Variants in DHRS3 observed in about 807,000 individuals in gnomAD.
DHRS3 encodes short-chain dehydrogenase/reductase 3.
DHRS3 carries 14 observed loss-of-function variants against 27.2 expected under a neutral mutation model. The ratio of observed to expected loss-of-function variants is 0.52; its 90% CI spans 0.34 to 0.81. The LOEUF is 0.81. DHRS3 is among the 30% of genes least tolerant of loss of function. The pLI is 0.01. For missense variants in DHRS3, 322 were observed against 406.2 expected (o/e 0.79, Z 1.78); for synonymous variants, 165 against 175.9 (o/e 0.94, Z 0.49).
At chr1:12,616,822 GGAA>G in intron 1 of DHRS3, 2 of 1,049,070 alleles carry the variant, frequency 1.9e-6, no homozygotes, top group Non-Finnish European at 2.4e-6. Context: ...GAAAAAGGGG[GGAA>G]GGCGGGGGAG....
chr1:12,613,892 C>T (rs1646926538), intron 1 of DHRS3, among the ~76,000 whole-genome samples: 1 of 152,160 alleles, frequency 6.6e-6, no homozygotes, highest in Admixed American at 6.5e-5. Flanking sequence ...GCCTCAGCCT[C>T]CCGAGTAGCT....
chr1:12,601,729 C>T (rs989277263), intron 1 of DHRS3, among the ~76,000 whole-genome samples: 1 of 152,212 alleles, frequency 6.6e-6, no homozygotes, highest in Admixed American at 6.5e-5. Flanking sequence ...TGGTTACAAG[C>T]AGACACCCTG....
In DHRS3 at chr1:12,582,871, A is replaced by ATCCC. The variant is rs1315220826; in HGVS notation, c.196-2209_196-2206dup. ...CATCCATCCATCCATCCATCCATCC[A>ATCCC]TCCCTCCCTCCCTCATCTACCCTAC... On this transcript the variant is annotated intron_variant, in intron 1 of 5. Transcript: ENST00000616661. 6.1e-5 allele frequency among the ~76,000 whole-genome samples: 9 copies of ATCCC among 148,746 alleles called. No homozygotes were observed. The East Asian group carries it at 1.8e-3, about 30-fold the overall frequency.
At chr1:12,576,907 C>A (rs932394408) in intron 4 of DHRS3, among the ~76,000 whole-genome samples, 6 of 150,730 alleles carry the variant, frequency 4.0e-5, no homozygotes, top group Admixed American at 3.3e-4. Flanking sequence ...ATTTCCTGGG[C>A]TCAAGCCATC....
intron 1 of DHRS3, among the ~76,000 whole-genome samples, chr1:12,607,556 T>C (rs142216392): frequency 1.1e-4 from 17 of 152,362 alleles, no homozygotes; most frequent in African/African-American, 3.8e-4. Flanking sequence ...GATGGTAAGT[T>C]TCCTGAGGCC....
At chr1:12,605,547 T>C (rs899715167) in intron 1 of DHRS3, among the ~76,000 whole-genome samples, 1 of 152,198 alleles carries the variant, frequency 6.6e-6, no homozygotes, top group Non-Finnish European at 1.5e-5. Context: ...ACCACAATCA[T>C]GTACAAAGGG....
chr1:12,585,539 C>T (rs1373760885), intron 1 of DHRS3, among the ~76,000 whole-genome samples: 1 of 152,192 alleles, frequency 6.6e-6, no homozygotes, highest in African/African-American at 2.4e-5. Context: ...GGGCTGGCGC[C>T]TGAGTGAGCT....
intron 1 of DHRS3, among the ~76,000 whole-genome samples, chr1:12,600,754 G>T (rs1217180812): frequency 1.3e-5 from 2 of 152,184 alleles, no homozygotes; most frequent in African/African-American, 4.8e-5. Context: ...TCGCACCTGT[G>T]AAGTATCACT....
At chr1:12,607,264 T>C (rs543996852) in intron 1 of DHRS3, among the ~76,000 whole-genome samples, 1 of 152,350 alleles carries the variant, frequency 6.6e-6, no homozygotes, top group East Asian at 1.9e-4. Context: ...CTTTTGTTTC[T>C]TAATCTTAAA....
At chr1:12,617,085 C>A in intron 1 of DHRS3, 69 bp downstream of exon 1, 1 of 1,497,314 alleles carries the variant, frequency 6.7e-7, no homozygotes, top group Non-Finnish European at 8.9e-7. Flanking sequence ...CGGGATCCCG[C>A]AGCGGCAGCA....
intron 1 of DHRS3, among the ~76,000 whole-genome samples, chr1:12,583,141 T>A (rs1363058863): frequency 3.6e-5 from 5 of 139,046 alleles, no homozygotes; most frequent in African/African-American, 1.4e-4. Context: ...CCTACCCTAC[T>A]CCATCCATCC....
chr1:12,602,353 TC>T (rs1455380613), intron 1 of DHRS3, among the ~76,000 whole-genome samples: 4 of 149,568 alleles, frequency 2.7e-5, no homozygotes, highest in Non-Finnish European at 6.0e-5. Context: ...AGGTGAGGCC[TC>T]GGGTGGAAGG....
chr1:12,584,582 T>G (rs566109774), intron 1 of DHRS3, among the ~76,000 whole-genome samples: 1 of 151,584 alleles, frequency 6.6e-6, no homozygotes, highest in Non-Finnish European at 1.5e-5. Flanking sequence ...GAATGACAGT[T>G]CAGGTACACA....
intron 1 of DHRS3, among the ~76,000 whole-genome samples, chr1:12,582,270 C>T (rs1389457114): frequency 6.6e-6 from 1 of 152,184 alleles, no homozygotes; most frequent in Non-Finnish European, 1.5e-5. Flanking sequence ...GCCTAGCTGG[C>T]GGCTCTCAGA....
intron 1 of DHRS3, among the ~76,000 whole-genome samples, chr1:12,607,740 C>T (rs1276521639): frequency 2.6e-5 from 4 of 151,998 alleles, no homozygotes; most frequent in Non-Finnish European, 4.4e-5. Context: ...CTCTCAGGAC[C>T]CTCAGTTATT....
At position 12,592,576 on chromosome 1, in the gene DHRS3, G is replaced by A. The variant is rs147569598; in HGVS notation, c.196-11910C>T. Among the ~76,000 whole-genome samples the A allele has an allele frequency of 3.2e-4, 49 of 152,316 alleles. No individual in the cohort carries two copies. The highest frequency in any genetic ancestry group is 5.7e-4 in the Non-Finnish European group (39 of 68,014). On this transcript the variant is annotated intron_variant, in intron 1 of 5. Transcript: ENST00000616661. The surrounding 1 kb of genome is among the most constrained non-coding windows in gnomAD (Gnocchi z 4.2). The stretch of plus-strand genomic sequence containing the variant: ...AAGGAAGGATCCTTCCCTAGAGCCC[G>A]GGAGGGAGTGGGGCCCTGCTGACAC...
chr1:12,590,156 G>T (rs1036192222), intron 1 of DHRS3, among the ~76,000 whole-genome samples: 5 of 152,044 alleles, frequency 3.3e-5, no homozygotes, highest in African/African-American at 1.2e-4. Flanking sequence ...GGGAGGAGAG[G>T]TTTTCAAGCA....
At chr1:12,590,629 A>C (rs1646737930) in intron 1 of DHRS3, among the ~76,000 whole-genome samples, 2 of 152,076 alleles carry the variant, frequency 1.3e-5, no homozygotes, top group Admixed American at 1.3e-4. Flanking sequence ...CATTTCTACA[A>C]AGACTCTGTC....
At chr1:12,607,037 A>G (rs1173702517) in intron 1 of DHRS3, among the ~76,000 whole-genome samples, 1 of 152,324 alleles carries the variant, frequency 6.6e-6, no homozygotes, top group East Asian at 1.9e-4. Flanking sequence ...CTGGAGGGAC[A>G]AGAACAATAA....
Sources: allele counts gnomAD v4.1 joint callset (sites outside exome capture counted in the v4.1 genomes callset), GRCh38; gene constraint gnomAD v4.1.1; non-coding constraint Gnocchi (gnomAD v3.1); transcripts MANE v1.5; gene names NCBI Gene and HGNC (gene_info 2026-07-23, HGNC 2026-07-21).